Variants in SPOCK1 observed in about 807,000 individuals in gnomAD.
The protein encoded by SPOCK1 is SPARC (osteonectin), cwcv and kazal like domains proteoglycan 1.
SPOCK1 carries 23 observed loss-of-function variants against 55.3 expected under a neutral mutation model. The observed-to-expected ratio is 0.42, with a 90% CI of 0.30 to 0.59. The LOEUF is 0.59. Ranked by LOEUF, SPOCK1 falls within the 20% of genes least tolerant of loss-of-function variation. SPOCK1 has a pLI of 0.22. For synonymous variants in SPOCK1, 226 were observed against 221.0 expected, an observed-to-expected ratio of 1.02 and a Z score of -0.20; for missense variants, 499 against 552.5, an observed-to-expected ratio of 0.90 and a Z score of 0.97.
At chr5:137,482,820 G>A (rs578022039) in intron 2 of SPOCK1, among the ~76,000 whole-genome samples, 1 of 152,254 alleles carries the variant, frequency 6.6e-6, no homozygotes, top group African/African-American at 2.4e-5. Context: ...GTTCTCTTGG[G>A]GAAAAGCAAT....
intron 2 of SPOCK1, among the ~76,000 whole-genome samples, chr5:137,359,695 G>C (rs1254591164): frequency 1.3e-5 from 2 of 152,176 alleles, no homozygotes; most frequent in African/African-American, 4.8e-5. Flanking sequence ...TCCATACTAA[G>C]GAGCAAATGC....
intron 2 of SPOCK1, among the ~76,000 whole-genome samples, chr5:137,421,025 T>C (rs1234817631): frequency 1.3e-5 from 2 of 152,252 alleles, no homozygotes; most frequent in Admixed American, 1.3e-4. Flanking sequence ...TCAAAGAACC[T>C]CTTTATTTCT....
intron 2 of SPOCK1, among the ~76,000 whole-genome samples, chr5:137,466,837 A>C (rs1425723284): frequency 6.6e-6 from 1 of 152,262 alleles, no homozygotes; most frequent in African/African-American, 2.4e-5. Context: ...AATAGTGAGC[A>C]TTAATGATCT....
intron 3 of SPOCK1, among the ~76,000 whole-genome samples, chr5:137,244,195 A>G (rs1468946037): frequency 1.3e-5 from 2 of 152,238 alleles, no homozygotes; most frequent in African/African-American, 2.4e-5. Flanking sequence ...ATTACATTCA[A>G]TAGAGGTACT....
intron 2 of SPOCK1, among the ~76,000 whole-genome samples, chr5:137,274,203 A>G (rs1757020171): frequency 6.6e-6 from 1 of 152,238 alleles, no homozygotes; most frequent in Non-Finnish European, 1.5e-5. Context: ...CTCAGACTCA[A>G]AACCATCCAC....
Position 137,026,171 on chromosome 5 carries a change from G to A in SPOCK1, c.590-33571C>T, listed in dbSNP as rs149936050. 3.5e-3 allele frequency among the ~76,000 whole-genome samples: 536 copies of A among 152,314 alleles called. 1 individual carries two copies. Among genetic ancestry groups the A allele is most frequent in the Non-Finnish European group, 6.0e-3 (409 of 68,028 alleles). ...ACAAATAAAAACATTGGCTCAGTGT[G>A]GTCAGGAAATGGGTCTCCTTCAGTT... is the stretch of plus-strand genomic sequence containing the variant. On this transcript the variant is annotated intron_variant, in intron 6 of 10. Transcript: ENST00000394945.
At chr5:137,463,381 G>A (rs948120160) in intron 2 of SPOCK1, among the ~76,000 whole-genome samples, 2 of 152,158 alleles carry the variant, frequency 1.3e-5, no homozygotes, top group African/African-American at 2.4e-5. Context: ...ACTGGAGATC[G>A]TTATGTTAAG....
At chr5:137,329,039 TGAAGGTGTATCTG>T (rs1230375024) in intron 2 of SPOCK1, among the ~76,000 whole-genome samples, 1 of 152,140 alleles carries the variant, frequency 6.6e-6, no homozygotes, top group African/African-American at 2.4e-5. Context: ...GCTGTGTCTG[TGAAGGTGTATCTG>T]GATGAGATTC....
chr5:137,010,064 T>C lies in SPOCK1; in HGVS notation c.590-17464A>G, dbSNP rs528605323. 7.9e-5 allele frequency among the ~76,000 whole-genome samples: 12 copies of C among 152,220 alleles called. No individual in the cohort carries two copies. In the South Asian group the frequency reaches 2.5e-3, roughly 32 times the overall value. On this transcript the variant is annotated intron_variant, in intron 6 of 10. Transcript: ENST00000394945. ...CCAAGAAGAGTCTACCTCCCCCTCCTTGGGGTGTCCCCAGGGCCCTATTCA... is the reference window on the plus strand; with the variant it reads ...CCAAGAAGAGTCTACCTCCCCCTCCCTGGGGTGTCCCCAGGGCCCTATTCA...
Position 137,082,245 on chromosome 5 carries a change from G to A in SPOCK1, c.475-14416C>T, listed in dbSNP as rs193074380. ...GCAGACAAACTCACAAGGCTAGGTGGGATGCAGACATCTGATGTGGGAAGG... is the reference window on the plus strand; with the variant it reads ...GCAGACAAACTCACAAGGCTAGGTGAGATGCAGACATCTGATGTGGGAAGG... On this transcript the variant is annotated intron_variant, in intron 5 of 10. Transcript: ENST00000394945. Among the ~76,000 whole-genome samples the A allele has an allele frequency of 1.0e-3, 159 of 152,314 alleles. 1 individual carries two copies. The highest frequency in any genetic ancestry group is 3.5e-3 in the African/African-American group (147 of 41,568).
At chr5:137,397,928 T>C (rs560934222) in intron 2 of SPOCK1, among the ~76,000 whole-genome samples, 1 of 152,218 alleles carries the variant, frequency 6.6e-6, no homozygotes, top group South Asian at 2.1e-4. Flanking sequence ...TAAATATTTA[T>C]CAAGTGAATG....
chr5:137,106,429 C>T (rs1036994924), intron 5 of SPOCK1, among the ~76,000 whole-genome samples: 11 of 152,264 alleles, frequency 7.2e-5, no homozygotes, highest in Admixed American at 6.5e-5. Context: ...AAGTGCTGGG[C>T]TCCCAGATGG....
chr5:137,234,543 C>T (rs556188013), intron 3 of SPOCK1, among the ~76,000 whole-genome samples: 16 of 152,342 alleles, frequency 1.1e-4, no homozygotes, highest in African/African-American at 3.1e-4. Context: ...CAAGTCTATA[C>T]GATCTTGTCC....
chr5:136,996,344 C>T (rs1751039924), intron 6 of SPOCK1, among the ~76,000 whole-genome samples: 1 of 152,196 alleles, frequency 6.6e-6, no homozygotes, highest in Admixed American at 6.5e-5. Flanking sequence ...GCGAGAGGAG[C>T]AGGGCACTTG....
At chr5:137,040,344 T>C (rs1482519685) in intron 6 of SPOCK1, among the ~76,000 whole-genome samples, 3 of 152,192 alleles carry the variant, frequency 2.0e-5, no homozygotes, top group Admixed American at 6.5e-5. Flanking sequence ...GGCATATGTC[T>C]TTTCGCCCAA....
intron 3 of SPOCK1, among the ~76,000 whole-genome samples, chr5:137,162,136 T>TC (rs1754570086): frequency 6.6e-6 from 1 of 151,076 alleles, no homozygotes; most frequent in African/African-American, 2.4e-5. Flanking sequence ...GCTTTCTTTT[T>TC]TTTTTTTTTT....
chr5:137,400,520 G>A (rs1175265052), intron 2 of SPOCK1, among the ~76,000 whole-genome samples: 1 of 152,116 alleles, frequency 6.6e-6, no homozygotes, highest in Non-Finnish European at 1.5e-5. Context: ...AGTCAGCACA[G>A]CAAATCTGCA....
intron 2 of SPOCK1, among the ~76,000 whole-genome samples, chr5:137,297,236 C>G (rs1453457488): frequency 1.3e-5 from 2 of 152,116 alleles, no homozygotes; most frequent in Non-Finnish European, 2.9e-5. Context: ...GTCTACTTAT[C>G]TCCCTTTAAT....
chr5:137,315,146 C>G (rs963322642), intron 2 of SPOCK1, among the ~76,000 whole-genome samples: 3 of 152,180 alleles, frequency 2.0e-5, no homozygotes, highest in African/African-American at 7.2e-5. Context: ...AGAACTATGT[C>G]AAGGAATAGT....
Sources: allele counts gnomAD v4.1 joint callset (sites outside exome capture counted in the v4.1 genomes callset), GRCh38; gene constraint gnomAD v4.1.1; transcripts MANE v1.5; gene names NCBI Gene and HGNC (gene_info 2026-07-23, HGNC 2026-07-21).